The following CSMD3 variants were observed in gnomAD, a reference collection of about 807,000 sequenced individuals.
The protein encoded by CSMD3 is CUB and sushi domain-containing protein 3.
CSMD3 carries 177 observed loss-of-function variants against 435.2 expected under a neutral mutation model. The ratio of observed to expected loss-of-function variants is 0.41; its 90% confidence interval spans 0.36 to 0.46. The LOEUF (loss-of-function observed/expected upper bound fraction) is 0.46, where lower values mean the gene tolerates loss of function less well. Ranked by LOEUF, CSMD3 falls within the 20% of genes least tolerant of loss-of-function variation. CSMD3 has a pLI of 0.34. For synonymous variants in CSMD3, 1,656 were observed against 1,520.5 expected (o/e 1.09, Z -2.07); for missense variants, 4,265 against 4,504.6 (o/e 0.95, Z 1.52).
At chr8:112,620,042 T>C (rs1226018768) in intron 22 of CSMD3, among the ~76,000 whole-genome samples, 1 of 151,668 alleles carries the variant, frequency 6.6e-6, no homozygotes, top group Non-Finnish European at 1.5e-5. Context: ...TGGAGTGGGG[T>C]TGGGAGTGGG....
intron 1 of CSMD3, among the ~76,000 whole-genome samples, chr8:113,363,021 T>C (rs72670785): frequency 6.6e-6 from 1 of 152,196 alleles, no homozygotes; most frequent in African/African-American, 2.4e-5. Context: ...TCTGCTACCA[T>C]TTTCCTCACA....
intron 27 of CSMD3, among the ~76,000 whole-genome samples, chr8:112,527,734 A>T (rs1472725559): frequency 6.6e-6 from 1 of 152,078 alleles, no homozygotes; most frequent in Admixed American, 6.6e-5. Flanking sequence ...AATGTATAAT[A>T]TATGTTTATC....
At chr8:112,348,506 T>C (rs1825866056) in intron 40 of CSMD3, among the ~76,000 whole-genome samples, 1 of 152,190 alleles carries the variant, frequency 6.6e-6, no homozygotes, top group African/African-American at 2.4e-5. Flanking sequence ...CCTTACAATA[T>C]TGCTATTGTA....
chr8:113,020,605 C>T (rs1564217027), intron 5 of CSMD3, among the ~76,000 whole-genome samples: 2 of 152,116 alleles, frequency 1.3e-5, no homozygotes, highest in Admixed American at 1.3e-4. Context: ...CTTAATAACA[C>T]GTTCTTAATA....
intron 3 of CSMD3, among the ~76,000 whole-genome samples, chr8:113,200,610 T>C (rs1224502757): frequency 2.0e-5 from 3 of 151,386 alleles, no homozygotes; most frequent in Admixed American, 2.0e-4. Flanking sequence ...ATTTTTATTA[T>C]ACTTTAAGTT....
intron 3 of CSMD3, among the ~76,000 whole-genome samples, chr8:113,267,553 G>A (rs1563628420): frequency 6.6e-6 from 1 of 151,686 alleles, no homozygotes; most frequent in Non-Finnish European, 1.5e-5. Flanking sequence ...TTGATCAAAT[G>A]AGGTAGATGG....
At position 113,124,710 on chromosome 8, in the gene CSMD3, CAT is replaced by C. The variant is rs1477972769; in HGVS notation, c.710-25749_710-25748del. Among the ~76,000 whole-genome samples the C allele has an allele frequency of 4.0e-5, 6 of 151,878 alleles. No individual in the cohort carries two copies. In the East Asian group the frequency reaches 1.2e-3, roughly 29 times the overall value. On this transcript the variant is annotated intron_variant, in intron 4 of 70. Transcript: ENST00000297405. Reference sequence around the variant, plus strand: ...CATCAGTGATCAGTATGGCTGATCACATGTTGTGGTAGTTGAAAAGCTTAATA... The same window carrying C: ...CATCAGTGATCAGTATGGCTGATCACGTTGTGGTAGTTGAAAAGCTTAATA...
At chr8:112,353,171 A>T (rs1285748085) in intron 38 of CSMD3, among the ~76,000 whole-genome samples, 1 of 152,118 alleles carries the variant, frequency 6.6e-6, no homozygotes, top group Admixed American at 6.6e-5. Context: ...TGGGTGGATC[A>T]CCTGTGGTCA....
chr8:112,859,211 G>T lies in CSMD3; in HGVS notation c.1689C>A (p.Asn563Lys), dbSNP rs2080754624. The change falls in exon 11 of 71, where the codon AAC becomes AAA. Residue 563 changes from asparagine (N) to lysine (K), a missense_variant. Physicochemically the swap from Asn to Lys is moderately conservative, Grantham distance 94. Transcript: ENST00000297405. ...QGPSGTFTSP[N>K]FPFQYDSNAQ... ...CATTGCTGTCATACTGGAACGGAAA[G>T]TTGGGAGATGTAAAGGTACCACTTG... 6.2e-7 allele frequency: 1 copy of T among 1,610,730 alleles called. No individual in the cohort carries two copies. The highest frequency in any genetic ancestry group is 1.1e-5 in the South Asian group (1 of 91,048).
chr8:112,234,418 C>A lies in CSMD3; in HGVS notation c.10687G>T (p.Ala3563Ser). 2 of 1,613,436 alleles carry A rather than the reference C, an allele frequency of 1.2e-6. No individual in the cohort carries two copies. The highest frequency in any genetic ancestry group is 8.5e-7 in the Non-Finnish European group (1 of 1,179,700). ...TTCATTTTCTTCACAGAAGCATGAG[C>A]AGGTACTTTAATAAGATATATGCGT... ...MLRIYLIKVP[A>S]HASVKKMKEE... is the part of the protein sequence containing the mutation. Residue 3563 changes from alanine to serine, a missense_variant, in exon 68 of 71, where the codon GCT (alanine) becomes TCT (serine). By Grantham distance (99) the Ala-to-Ser change is moderately conservative. Coordinates refer to ENST00000297405, the MANE Select transcript of CSMD3 (RefSeq NM_198123.2).
chr8:112,594,796 C>A (rs1831536384), intron 22 of CSMD3, among the ~76,000 whole-genome samples: 1 of 152,106 alleles, frequency 6.6e-6, no homozygotes, highest in Non-Finnish European at 1.5e-5. Context: ...AGACCTGCAG[C>A]TGAGGGTCCT....
intron 1 of CSMD3, among the ~76,000 whole-genome samples, chr8:113,354,382 C>G (rs911290240): frequency 8.6e-5 from 13 of 152,040 alleles, no homozygotes; most frequent in Admixed American, 7.2e-4. Flanking sequence ...TTAGGGGAAC[C>G]TCCTTGAAAT....
intron 61 of CSMD3, among the ~76,000 whole-genome samples, chr8:112,259,044 A>T (rs1215952119): frequency 6.6e-6 from 1 of 152,120 alleles, no homozygotes; most frequent in Non-Finnish European, 1.5e-5. Context: ...ATCTCCCAAA[A>T]AAAAAAGAAA....
intron 9 of CSMD3, among the ~76,000 whole-genome samples, chr8:112,936,727 A>G (rs2083292156): frequency 6.6e-6 from 1 of 152,128 alleles, no homozygotes; most frequent in Non-Finnish European, 1.5e-5. Flanking sequence ...AGAAATACTC[A>G]GTTTATCTAG....
chr8:112,446,100 A>G (rs1815575236), intron 32 of CSMD3, among the ~76,000 whole-genome samples: 1 of 152,212 alleles, frequency 6.6e-6, no homozygotes, highest in Non-Finnish European at 1.5e-5. Flanking sequence ...AGATCAATGA[A>G]CATCCATGAT....
At chr8:112,740,418 A>T (rs1382831059) in intron 13 of CSMD3, among the ~76,000 whole-genome samples, 2 of 151,764 alleles carry the variant, frequency 1.3e-5, no homozygotes, top group African/African-American at 4.8e-5. Flanking sequence ...CTTATCATTT[A>T]TATTGACCTT....
intron 10 of CSMD3, among the ~76,000 whole-genome samples, chr8:112,880,190 C>A (rs2081408284): frequency 6.6e-6 from 1 of 152,018 alleles, no homozygotes; most frequent in Non-Finnish European, 1.5e-5. Flanking sequence ...ATTTGGTTAT[C>A]ACTTGTAATT....
chr8:112,960,291 GA>G (rs2084179908), intron 7 of CSMD3, among the ~76,000 whole-genome samples: 1 of 151,120 alleles, frequency 6.6e-6, no homozygotes, highest in African/African-American at 2.4e-5. Context: ...CTTAGACAAA[GA>G]AAAATCAAGA....
At chr8:112,504,055 A>T in intron 29 of CSMD3, 78 bp from the exon 30 acceptor site, 1 of 895,464 alleles carries the variant, frequency 1.1e-6, no homozygotes. Flanking sequence ...CATAATAGTT[A>T]TATAATCAAA....
Sources: gnomAD v4.1 joint callset for allele counts (sites outside exome capture counted in the v4.1 genomes callset) on GRCh38, gnomAD v4.1.1 for gene constraint, MANE v1.5 for transcripts, NCBI Gene and HGNC (gene_info 2026-07-23, HGNC 2026-07-21) for gene names.